Variants in RALYL observed in about 807,000 individuals in gnomAD.
The protein encoded by RALYL is RALY RNA binding protein like.
Under a neutral mutation model 35.1 loss-of-function variants are expected in RALYL, and 29 were observed. The ratio of observed to expected loss-of-function variants is 0.83; its 90% CI spans 0.61 to 1.13. The LOEUF (loss-of-function observed/expected upper bound fraction) is 1.13. RALYL is among the 50% of genes most tolerant of loss of function. The pLI, the probability that RALYL is intolerant of heterozygous loss-of-function variation, is 0.00. For missense variants in RALYL, 359 were observed against 360.4 expected, an observed-to-expected ratio of 1.00 and a Z score of 0.03; for synonymous variants, 120 against 127.6, an observed-to-expected ratio of 0.94 and a Z score of 0.40.
chr8:84,466,604 C>CT (rs1204328064), intron 1 of RALYL, among the ~76,000 whole-genome samples: 6 of 150,150 alleles, frequency 4.0e-5, no homozygotes, highest in African/African-American at 9.7e-5. Flanking sequence ...CTAAAATTCT[C>CT]TTTTTTTGTT....
chr8:84,710,397 G>T (rs1841974811), intron 2 of RALYL, among the ~76,000 whole-genome samples: 1 of 152,044 alleles, frequency 6.6e-6, no homozygotes, highest in South Asian at 2.1e-4. Context: ...CTGCCTCCAG[G>T]TTCAAGCGAT....
intron 2 of RALYL, among the ~76,000 whole-genome samples, chr8:84,748,329 G>A (rs1480236024): frequency 6.6e-6 from 1 of 152,002 alleles, no homozygotes; most frequent in African/African-American, 2.4e-5. Context: ...GACATGGTAT[G>A]AGCTTGAATG....
At chr8:84,505,398 G>GGTAAAGTTAGAATAGCATGCTAGAAGTTA (rs1359762574) in intron 1 of RALYL, among the ~76,000 whole-genome samples, 1 of 151,648 alleles carries the variant, frequency 6.6e-6, no homozygotes. Context: ...TGTTAGTATT[G>GGTAAAGTTAGAATAGCATGCTAGAAGTTA]GAAGGAGTCA....
rs751821694 is a variant in RALYL, at chr8:84,766,720, C to CAAAA, written c.257-7834_257-7831dup. On this transcript the variant is annotated intron_variant, in intron 2 of 8. Coordinates refer to ENST00000521268, the MANE Select transcript of RALYL (RefSeq NM_173848.7). Reference sequence around the variant, plus strand: ...GCCTGGCGACAGAGTGAGACTGTCTCAAAAAAAAAAAAAAAAAAAAAAAAA... The same window carrying CAAAA: ...GCCTGGCGACAGAGTGAGACTGTCTCAAAAAAAAAAAAAAAAAAAAAAAAAAAAA... Among the ~76,000 whole-genome samples the CAAAA allele has an allele frequency of 1.3e-3, 24 of 18,012 alleles. 1 individual carries two copies. The highest frequency in any genetic ancestry group is 4.5e-3 in the African/African-American group (23 of 5,168). 11.8% of individuals were successfully genotyped at this position (18,012 alleles called of 152,430 possible). A position where few individuals can be genotyped will look rare whatever the true frequency, so the allele number is the denominator to read the frequency against.
chr8:84,742,786 C>A (rs1222785086), intron 2 of RALYL, among the ~76,000 whole-genome samples: 1 of 152,050 alleles, frequency 6.6e-6, no homozygotes, highest in Non-Finnish European at 1.5e-5. Context: ...TGCAGAGAAA[C>A]AGGCTGTCCT....
chr8:84,188,052 T>C (rs1350762295), intron 1 of RALYL, among the ~76,000 whole-genome samples: 1 of 152,102 alleles, frequency 6.6e-6, no homozygotes, highest in African/African-American at 2.4e-5. Context: ...TTACAATTGA[T>C]TTTTCTCTCT....
At chr8:84,474,234 G>T (rs970064087) in intron 1 of RALYL, among the ~76,000 whole-genome samples, 1 of 151,988 alleles carries the variant, frequency 6.6e-6, no homozygotes, top group Non-Finnish European at 1.5e-5. Flanking sequence ...AAAGCAGAAA[G>T]GTTAAATATG....
chr8:84,628,165 T>C (rs60274938), intron 2 of RALYL, among the ~76,000 whole-genome samples: 1,749 of 152,244 alleles, frequency 0.011, 41 homozygotes, highest in African/African-American at 0.04. Context: ...GCTCCTCTTT[T>C]CTTAAGTAAC....
chr8:84,416,978 T>A (rs1375089509), intron 1 of RALYL, among the ~76,000 whole-genome samples: 1 of 152,184 alleles, frequency 6.6e-6, no homozygotes, highest in Admixed American at 6.6e-5. Flanking sequence ...TAACTTCTCT[T>A]ATTTTCTTCC....
At chr8:84,777,787 G>T (rs1799265049) in intron 3 of RALYL, among the ~76,000 whole-genome samples, 1 of 152,074 alleles carries the variant, frequency 6.6e-6, no homozygotes, top group Non-Finnish European at 1.5e-5. Context: ...GACTACAGGT[G>T]CCGGCCACCA....
At chr8:84,693,105 A>C (rs756629137) in intron 2 of RALYL, among the ~76,000 whole-genome samples, 1 of 152,022 alleles carries the variant, frequency 6.6e-6, no homozygotes, top group Non-Finnish European at 1.5e-5. Flanking sequence ...TGTTAAAGCA[A>C]CAATAGAAAA....
chr8:84,447,531 A>T (rs1219950687), intron 1 of RALYL, among the ~76,000 whole-genome samples: 2 of 151,984 alleles, frequency 1.3e-5, no homozygotes, highest in South Asian at 2.1e-4. Flanking sequence ...TGAGAGAGTA[A>T]ATCAGTCTCA....
intron 4 of RALYL, among the ~76,000 whole-genome samples, chr8:84,807,962 G>T (rs1410715906): frequency 2.0e-5 from 3 of 152,044 alleles, no homozygotes; most frequent in African/African-American, 7.2e-5. Flanking sequence ...CCACTCTGTG[G>T]GTTGTCTGTT....
chr8:84,362,707 A>G (rs901199283), intron 1 of RALYL, among the ~76,000 whole-genome samples: 1 of 152,100 alleles, frequency 6.6e-6, no homozygotes, highest in African/African-American at 2.4e-5. Flanking sequence ...CCATAGAAAA[A>G]TTGTCTTTCA....
At chr8:84,790,446 C>T (rs893029405) in intron 3 of RALYL, among the ~76,000 whole-genome samples, 4 of 152,156 alleles carry the variant, frequency 2.6e-5, no homozygotes, top group African/African-American at 7.2e-5. Flanking sequence ...CTCTTAGCTT[C>T]TATGAACAGA....
intron 1 of RALYL, among the ~76,000 whole-genome samples, chr8:84,302,890 T>G (rs1413698953): frequency 2.6e-5 from 4 of 152,188 alleles, no homozygotes; most frequent in Non-Finnish European, 5.9e-5. Flanking sequence ...GATGATTAGT[T>G]AAGATCTTAC....
At chr8:84,337,526 A>G (rs1848028637) in intron 1 of RALYL, among the ~76,000 whole-genome samples, 1 of 152,124 alleles carries the variant, frequency 6.6e-6, no homozygotes, top group Admixed American at 6.6e-5. Context: ...ACATGGCTAC[A>G]GTAAGACTGA....
chr8:84,822,831 T>A (rs981884087), intron 4 of RALYL, among the ~76,000 whole-genome samples: 2 of 152,198 alleles, frequency 1.3e-5, no homozygotes, highest in African/African-American at 2.4e-5. Context: ...AGGAAGTAGA[T>A]CTTATGATGC....
chr8:84,701,160 T>G (rs1195453110), intron 2 of RALYL, among the ~76,000 whole-genome samples: 1 of 152,138 alleles, frequency 6.6e-6, no homozygotes, highest in Non-Finnish European at 1.5e-5. Flanking sequence ...CATCTAAACC[T>G]GATAAACATT....
Sources: allele counts gnomAD v4.1 joint callset (sites outside exome capture counted in the v4.1 genomes callset), GRCh38; gene constraint gnomAD v4.1.1; transcripts MANE v1.5; gene names NCBI Gene and HGNC (gene_info 2026-07-23, HGNC 2026-07-21).